Variants in GRIK2 observed in about 807,000 individuals in gnomAD.
The protein encoded by GRIK2 is glutamate ionotropic receptor kainate type subunit 2, also known as glutamate receptor ionotropic, kainate 2.
In GRIK2, 32 loss-of-function variants were observed where a neutral mutation model predicts 100.3. The ratio of observed to expected loss-of-function variants is 0.32; its 90% CI spans 0.24 to 0.43. The LOEUF (loss-of-function observed/expected upper bound fraction) is 0.43, where lower values mean the gene tolerates loss of function less well. Among genes scored for constraint, GRIK2 ranks in the 20% least tolerant of loss-of-function variants. The pLI is 1.00. For synonymous variants in GRIK2, 417 were observed against 389.4 expected, an observed-to-expected ratio of 1.07 and a Z score of -0.83; for missense variants, 843 against 1,114.9, an observed-to-expected ratio of 0.76 and a Z score of 3.47.
At chr6:101,916,693 T>C (rs1346587092) in intron 12 of GRIK2, among the ~76,000 whole-genome samples, 1 of 151,610 alleles carries the variant, frequency 6.6e-6, no homozygotes, top group Non-Finnish European at 1.5e-5. Context: ...TATACAAAAC[T>C]GAATTTTTAT....
chr6:101,857,701 C>T (rs1348830037), intron 10 of GRIK2, among the ~76,000 whole-genome samples: 1 of 152,180 alleles, frequency 6.6e-6, no homozygotes, highest in African/African-American at 2.4e-5. Flanking sequence ...ATTGTTGCAC[C>T]TTGGTTTATT....
At chr6:101,895,228 TAA>T (rs995815714) in intron 12 of GRIK2, among the ~76,000 whole-genome samples, 8 of 151,794 alleles carry the variant, frequency 5.3e-5, no homozygotes, top group African/African-American at 1.9e-4. Context: ...AACATTTTTC[TAA>T]GTTAAAAGAA....
intron 10 of GRIK2, among the ~76,000 whole-genome samples, chr6:101,831,758 G>T (rs755265235): frequency 5.9e-5 from 9 of 151,912 alleles, no homozygotes; most frequent in Admixed American, 1.3e-4. Flanking sequence ...AGCATTTACG[G>T]GAGTATGAGT....
intron 10 of GRIK2, among the ~76,000 whole-genome samples, chr6:101,849,303 C>A (rs1326911225): frequency 6.6e-6 from 1 of 152,018 alleles, no homozygotes; most frequent in Non-Finnish European, 1.5e-5. Flanking sequence ...ATCTCCTTAA[C>A]ATTGCTGTCC....
At chr6:101,495,737 G>C (rs544728529) in intron 2 of GRIK2, among the ~76,000 whole-genome samples, 2 of 151,872 alleles carry the variant, frequency 1.3e-5, no homozygotes, top group African/African-American at 4.8e-5. Flanking sequence ...TATCAGTTCA[G>C]ACCTCAAACA....
intron 9 of GRIK2, among the ~76,000 whole-genome samples, chr6:101,813,334 G>T (rs917571880): frequency 6.6e-6 from 1 of 152,078 alleles, no homozygotes; most frequent in African/African-American, 2.4e-5. Context: ...AAGGAAGACG[G>T]CTCTGATATA....
intron 16 of GRIK2, among the ~76,000 whole-genome samples, chr6:102,056,005 A>G (rs562199778): frequency 1.8e-4 from 28 of 151,966 alleles, no homozygotes; most frequent in African/African-American, 6.7e-4. Context: ...AACAGTTTCA[A>G]GTTAGAGAGT....
rs550259860 is a variant in GRIK2 at position 101,682,593 on chromosome 6, T to C, written c.764T>C (p.Ile255Thr). The change falls in exon 6 of 17, where the codon ATC becomes ACC. Residue 255 changes from isoleucine to threonine, a missense_variant. Ile to Thr is a moderately conservative substitution (Grantham distance 89). Coordinates refer to ENST00000369134, the MANE Select transcript of GRIK2 (RefSeq NM_021956.5). ...ATGATGACAGAATACTATCATTATA[T>C]CTTTACCACTCTGGTAAGTACTTCA... ...MGMMTEYYHY[I>T]FTTLDLFALD... 15 of 1,287,740 alleles carry C rather than the reference T, an allele frequency of 1.2e-5. No individual in the cohort carries two copies. The South Asian group carries it at 1.7e-4, about 15-fold the overall frequency. The allele number at this position is 1,287,740 out of a possible 1,614,324, so 79.8% of individuals were successfully genotyped here.
intron 2 of GRIK2, among the ~76,000 whole-genome samples, chr6:101,480,093 G>C (rs1162264208): frequency 6.6e-6 from 1 of 152,128 alleles, no homozygotes; most frequent in Non-Finnish European, 1.5e-5. Context: ...AAAGGAACAT[G>C]GTGAGTGGGG....
intron 14 of GRIK2, among the ~76,000 whole-genome samples, chr6:101,973,427 A>T (rs1281993768): frequency 6.6e-6 from 1 of 151,942 alleles, no homozygotes; most frequent in East Asian, 1.9e-4. Flanking sequence ...ATGCAAGAAC[A>T]TAAAGATCTT....
At chr6:101,852,711 A>G (rs1784208531) in intron 10 of GRIK2, among the ~76,000 whole-genome samples, 1 of 152,192 alleles carries the variant, frequency 6.6e-6, no homozygotes, top group Non-Finnish European at 1.5e-5. Flanking sequence ...GGAGCACCAG[A>G]AAAAGAAACA....
chr6:101,880,120 G>A (rs373662667), intron 11 of GRIK2, among the ~76,000 whole-genome samples: 1 of 151,962 alleles, frequency 6.6e-6, no homozygotes, highest in Non-Finnish European at 1.5e-5. Context: ...TCTGGTTAGT[G>A]GGCAGAACTC....
intron 1 of GRIK2, among the ~76,000 whole-genome samples, chr6:101,396,423 C>A (rs1357712777): frequency 6.6e-6 from 1 of 151,820 alleles, no homozygotes; most frequent in Non-Finnish European, 1.5e-5. Flanking sequence ...GAATTGTGGT[C>A]TTTCTAGCAA....
At chr6:102,059,407 C>G (rs1342597328) in intron 16 of GRIK2, among the ~76,000 whole-genome samples, 1 of 150,806 alleles carries the variant, frequency 6.6e-6, no homozygotes, top group Non-Finnish European at 1.5e-5. Flanking sequence ...TTTCTTTTTG[C>G]CTTATCTCTT....
intron 11 of GRIK2, among the ~76,000 whole-genome samples, chr6:101,865,888 CA>C (rs1359067993): frequency 6.1e-4 from 54 of 88,190 alleles, no homozygotes; most frequent in African/African-American, 2.1e-3. Flanking sequence ...GACCCCGTCT[CA>C]AAAAAAAAGA....
At chr6:101,818,336 G>A in intron 9 of GRIK2, 34 bp from the exon 10 acceptor site, 3 of 1,200,472 alleles carry the variant, frequency 2.5e-6, no homozygotes, top group Non-Finnish European at 3.7e-6. Flanking sequence ...CGTGCCTGAT[G>A]GACAATTTAC....
chr6:101,694,528 A>G (rs886896696), intron 7 of GRIK2, among the ~76,000 whole-genome samples: 1 of 152,128 alleles, frequency 6.6e-6, no homozygotes, highest in African/African-American at 2.4e-5. Flanking sequence ...ATTAAAGAAG[A>G]GAGAGTAAGA....
At chr6:101,445,008 A>T (rs1358552168) in intron 2 of GRIK2, among the ~76,000 whole-genome samples, 1 of 151,968 alleles carries the variant, frequency 6.6e-6, no homozygotes, top group African/African-American at 2.4e-5. Flanking sequence ...CTTCCTTCTT[A>T]TATACCCAGT....
chr6:101,907,317 G>A (rs2128464028), intron 12 of GRIK2, among the ~76,000 whole-genome samples: 1 of 151,652 alleles, frequency 6.6e-6, no homozygotes, highest in South Asian at 2.1e-4. Flanking sequence ...TTAATTGTGT[G>A]ATTAAAAACG....
Sources: allele counts gnomAD v4.1 joint callset (sites outside exome capture counted in the v4.1 genomes callset), GRCh38; gene constraint gnomAD v4.1.1; transcripts MANE v1.5; gene names NCBI Gene and HGNC (gene_info 2026-07-23, HGNC 2026-07-21).